Variants in ADAMTS15 observed in about 807,000 individuals in gnomAD.
ADAMTS15 encodes the protein ADAM metallopeptidase with thrombospondin type 1 motif 15, also known as A disintegrin and metalloproteinase with thrombospondin motifs 15.
A neutral mutation model predicts 79.1 loss-of-function variants in ADAMTS15; 35 were observed. The ratio of observed to expected loss-of-function variants is 0.44; its 90% CI spans 0.34 to 0.59. ADAMTS15 has a LOEUF of 0.59. ADAMTS15 is among the 20% of genes least tolerant of loss of function. The pLI, the probability that ADAMTS15 is intolerant of heterozygous loss-of-function variation, is 0.02. For synonymous variants in ADAMTS15, 616 were observed against 567.3 expected, an observed-to-expected ratio of 1.09 and a Z score of -1.22; for missense variants, 1,324 against 1,318.7, an observed-to-expected ratio of 1.00 and a Z score of -0.06.
Position 130,462,549 on chromosome 11 carries a change from G to T in ADAMTS15, c.1311G>T (p.Leu437=). The change falls in exon 4 of 8, where the codon CTG becomes CTT. Residue 437 remains leucine, a synonymous_variant. Coordinates refer to ENST00000299164, the MANE Select transcript of ADAMTS15 (RefSeq NM_139055.4). The surrounding 1 kb of genome is among the most constrained non-coding windows in gnomAD (Gnocchi z 4.3). ...AGCCCATCTCCCTGCCCGAGGATCTGCCGGGCGCCAGCTACACCCTGAGCC... is the reference window on the plus strand; with the variant it reads ...AGCCCATCTCCCTGCCCGAGGATCTTCCGGGCGCCAGCTACACCCTGAGCC... ...PSKPISLPED[L]PGASYTLSQQ... 1 of 1,611,382 alleles carries T rather than the reference G, an allele frequency of 6.2e-7. No homozygotes were observed. The highest frequency in any genetic ancestry group is 1.1e-5 in the South Asian group (1 of 90,936).
chr11:130,456,662 C>T (rs931715847), intron 1 of ADAMTS15, among the ~76,000 whole-genome samples: 2 of 152,162 alleles, frequency 1.3e-5, no homozygotes, highest in African/African-American at 2.4e-5. Flanking sequence ...TTATGGTCTC[C>T]TAACTAGTGT....
chr11:130,456,537 CAG>C (rs1938084177), intron 1 of ADAMTS15, among the ~76,000 whole-genome samples: 1 of 152,200 alleles, frequency 6.6e-6, no homozygotes, highest in East Asian at 1.9e-4. Flanking sequence ...GGATTACAAA[CAG>C]ACATGGATTT....
Position 130,462,490 on chromosome 11 carries a change from T to C in ADAMTS15, c.1259-7T>C. On this transcript the variant is annotated splice_region_variant and splice_polypyrimidine_tract_variant and intron_variant, in intron 3 of 7. Coordinates refer to ENST00000299164, the MANE Select transcript of ADAMTS15 (RefSeq NM_139055.4). The surrounding 1 kb of genome is among the most constrained non-coding windows in gnomAD (Gnocchi z 4.3). ...TCATCCTAACGAACGCCCTCGGCTC[T>C]CTGCAGGTGACTGCCTCCTGGACCA... The C allele has an allele frequency of 6.3e-7, 1 of 1,580,374 alleles. No homozygotes were observed. The highest frequency in any genetic ancestry group is 8.6e-7 in the Non-Finnish European group (1 of 1,158,386).
chr11:130,473,543 C>T lies in ADAMTS15; in HGVS notation c.2575C>T (p.Leu859=). ...GTGCTCCGCGAGCTGCGGCAGTGGC[C>T]TGCAGAAGCGGGCGGTGGACTGCCG... ...GPCSASCGSG[L]QKRAVDCRGS... Residue 859 remains leucine, a synonymous_variant, in exon 8 of 8, where the codon CTG becomes TTG. Transcript: ENST00000299164. The T allele has an allele frequency of 6.2e-7, 1 of 1,605,044 alleles. No individual in the cohort carries two copies. Among genetic ancestry groups the T allele is most frequent in the Non-Finnish European group, 8.5e-7 (1 of 1,174,956 alleles).
At position 130,462,221 on chromosome 11, in the gene ADAMTS15, G is replaced by A; in HGVS notation, c.1225G>A (p.Ala409Thr). 6.2e-7 allele frequency: 1 copy of A among 1,614,110 alleles called. No homozygotes were observed. ...CAACCCCTGGTCAGCCTGCAGTGCTGCCATCATCACCGACTTCCTGGACAG... is the reference window on the plus strand; with the variant it reads ...CAACCCCTGGTCAGCCTGCAGTGCTACCATCATCACCGACTTCCTGGACAG... ...RANPWSACSA[A>T]IITDFLDSGH... Residue 409 changes from alanine (A) to threonine (T), a missense_variant, in exon 3 of 8, where the codon GCC (alanine) becomes ACC (threonine). By Grantham distance (58) the Ala-to-Thr change is moderately conservative. Coordinates refer to ENST00000299164, the MANE Select transcript of ADAMTS15 (RefSeq NM_139055.4). This position sits in a 1 kb window ranked among gnomAD's most constrained non-coding sequence, Gnocchi z 4.3.
In ADAMTS15 at chr11:130,473,125, G is replaced by A. The variant is rs1938492887; in HGVS notation, c.2157G>A (p.Leu719=). The A allele has an allele frequency of 3.7e-6, 6 of 1,614,114 alleles. No homozygotes were observed. The highest frequency in any genetic ancestry group is 5.1e-6 in the Non-Finnish European group (6 of 1,180,044). Residue 719 remains leucine, a synonymous_variant, in exon 8 of 8, where the codon CTG becomes CTA. Transcript: ENST00000299164. ...IDIRQRGYKG[L]IGDDNYLALK... ...TCCGCCAGCGCGGTTACAAAGGGCT[G>A]ATCGGGGATGACAACTACCTGGCTC...
chr11:130,454,523 C>T (rs1048249013), intron 1 of ADAMTS15, among the ~76,000 whole-genome samples: 3 of 152,194 alleles, frequency 2.0e-5, no homozygotes, highest in African/African-American at 7.2e-5. Context: ...ACACATATCT[C>T]CCTATACAAT....
rs373539649 is a variant in ADAMTS15, at chr11:130,470,180, A to ATG, written c.1721-734_1721-733dup. 1.8e-4 allele frequency among the ~76,000 whole-genome samples: 8 copies of ATG among 44,782 alleles called. 1 individual carries two copies. The highest frequency in any genetic ancestry group is 6.6e-4 in the East Asian group (1 of 1,524). 29.4% of individuals were successfully genotyped at this position (44,782 alleles called of 152,430 possible). A position where few individuals can be genotyped will look rare whatever the true frequency, so the allele number is the denominator to read the frequency against. ...TATATATATATATATATATATATAT[A>ATG]TGTGTGTATATATATATATATATAT... On this transcript the variant is annotated intron_variant, in intron 5 of 7. Coordinates refer to ENST00000299164, the MANE Select transcript of ADAMTS15 (RefSeq NM_139055.4).
At position 130,473,476 on chromosome 11, in the gene ADAMTS15, C is replaced by T. The variant is rs758318437; in HGVS notation, c.2508C>T (p.Asp836=). ...LSLSNQVEQP[D]DRPPARWVAG... ...TCTCCAACCAGGTGGAGCAGCCGGA[C>T]GACAGGCCCCCTGCACGCTGGGTGG... The change falls in exon 8 of 8, where the codon GAC becomes GAT. Residue 836 remains aspartate, a synonymous_variant. Transcript: ENST00000299164. 2.5e-5 allele frequency: 40 copies of T among 1,611,768 alleles called. No homozygotes were observed. The highest frequency in any genetic ancestry group is 4.5e-5 in the East Asian group (2 of 44,868).
rs1938220376 is a variant in ADAMTS15, at chr11:130,462,424, A to G, written c.1259-73A>G. On this transcript the variant is annotated intron_variant, in intron 3 of 7. Coordinates refer to ENST00000299164, the MANE Select transcript of ADAMTS15 (RefSeq NM_139055.4). The surrounding 1 kb of genome is among the most constrained non-coding windows in gnomAD (Gnocchi z 4.3). ...GTTGCCCTTGGTTCATTATCCCCTT[A>G]CCATTCAGATTCTGGGCTAGCCAAA... 1 of 1,528,898 alleles carries G rather than the reference A, an allele frequency of 6.5e-7. No individual in the cohort carries two copies. Among genetic ancestry groups the G allele is most frequent in the Non-Finnish European group, 8.8e-7 (1 of 1,134,058 alleles). 94.7% of individuals were successfully genotyped at this position (1,528,898 alleles called of 1,614,324 possible).
intron 5 of ADAMTS15, among the ~76,000 whole-genome samples, chr11:130,470,160 A>ACACACATG (rs1938404633): frequency 1.7e-5 from 1 of 57,298 alleles, no homozygotes; most frequent in African/African-American, 1.0e-4. Context: ...ATGTGTATAT[A>ACACACATG]TATATATATA....
intron 7 of ADAMTS15, 120 bp downstream of exon 7, chr11:130,471,503 G>A: frequency 1.7e-6 from 2 of 1,156,484 alleles, no homozygotes; most frequent in Admixed American, 3.3e-5. Flanking sequence ...TACCCTTGCT[G>A]CAGAGGCCAC....
rs1416455379 is a variant in ADAMTS15 at position 130,449,340 on chromosome 11, C to G, written c.367C>G (p.Leu123Val). Residue 123 changes from leucine (L) to valine (V), a missense_variant, in exon 1 of 8, where the codon CTC becomes GTC. Coordinates refer to ENST00000299164, the MANE Select transcript of ADAMTS15 (RefSeq NM_139055.4). The surrounding 1 kb of genome is among the most constrained non-coding windows in gnomAD (Gnocchi z 7.8). ...CGCTGCTGTGAGCCTGTGCGGGGGG[C>G]TCCGCGGAGCCTTTGGCTACCGAGG... is the stretch of plus-strand genomic sequence containing the variant. The part of the protein sequence containing the change: ...SFAAVSLCGG[L>V]RGAFGYRGAE... 3.7e-6 allele frequency: 6 copies of G among 1,608,352 alleles called. No individual in the cohort carries two copies. The highest frequency in any genetic ancestry group is 1.3e-5 in the African/African-American group (1 of 75,068).
rs1937919019 is a variant in ADAMTS15 at position 130,449,636 on chromosome 11, G to A, written c.663G>A (p.Glu221=). 3.1e-6 allele frequency: 5 copies of A among 1,602,172 alleles called. No individual in the cohort carries two copies. Among genetic ancestry groups the A allele is most frequent in the African/African-American group, 1.3e-5 (1 of 74,800 alleles). The change falls in exon 1 of 8, where the codon GAG becomes GAA. Residue 221 remains glutamate, a synonymous_variant. Transcript: ENST00000299164. The surrounding 1 kb of genome is among the most constrained non-coding windows in gnomAD (Gnocchi z 7.8). The part of the protein sequence containing the change: ...KRFVSIPRYV[E]TLVVADESMV... Reference sequence around the variant, plus strand: ...TCGTGTCTATCCCGCGGTACGTGGAGACGCTGGTGGTCGCGGACGAGTCAA... The same window carrying A: ...TCGTGTCTATCCCGCGGTACGTGGAAACGCTGGTGGTCGCGGACGAGTCAA...
At chr11:130,470,883 T>TC (rs745774536) in intron 5 of ADAMTS15, 37 bp from the exon 6 acceptor site, 2 of 1,595,624 alleles carry the variant, frequency 1.3e-6, no homozygotes, top group Middle Eastern at 1.9e-4. Context: ...CCTTGTCCCT[T>TC]CCCCTCAACT....
At chr11:130,466,724 C>G (rs888626776) in intron 4 of ADAMTS15, among the ~76,000 whole-genome samples, 2 of 152,220 alleles carry the variant, frequency 1.3e-5, no homozygotes, top group Admixed American at 1.3e-4. Context: ...GGTTATGCCA[C>G]TTCTCTGCTC....
Position 130,473,617 on chromosome 11 carries a change from G to A in ADAMTS15, c.2649G>A (p.Arg883=). ...RTVPACDAAH[R]PVETQACGEP... is the part of the protein sequence containing the mutation. Reference sequence around the variant, plus strand: ...TCCCTGCCTGTGATGCAGCCCATCGGCCCGTGGAGACACAAGCCTGCGGGG... The same window carrying A: ...TCCCTGCCTGTGATGCAGCCCATCGACCCGTGGAGACACAAGCCTGCGGGG... The change falls in exon 8 of 8, where the codon CGG becomes CGA. Residue 883 remains arginine (R), a synonymous_variant. Coordinates refer to ENST00000299164, the MANE Select transcript of ADAMTS15 (RefSeq NM_139055.4). 6.2e-7 allele frequency: 1 copy of A among 1,609,760 alleles called. No homozygotes were observed. The highest frequency in any genetic ancestry group is 8.5e-7 in the Non-Finnish European group (1 of 1,179,668).
At chr11:130,456,553 G>A (rs1162465072) in intron 1 of ADAMTS15, among the ~76,000 whole-genome samples, 3 of 152,194 alleles carry the variant, frequency 2.0e-5, no homozygotes, top group Non-Finnish European at 4.4e-5. Context: ...TGGATTTTGG[G>A]CTGGACAAGG....
chr11:130,449,812 A>C lies in ADAMTS15; in HGVS notation c.839A>C (p.Lys280Thr). 1 of 1,611,130 alleles carries C rather than the reference A, an allele frequency of 6.2e-7. No individual in the cohort carries two copies. Among genetic ancestry groups the C allele is most frequent in the Non-Finnish European group, 8.5e-7 (1 of 1,180,014 alleles). The change falls in exon 1 of 8, where the codon AAG (lysine) becomes ACG (threonine). Residue 280 changes from lysine to threonine, a missense_variant. Lys to Thr is a moderately conservative substitution (Grantham distance 78, BLOSUM62 -1). Coordinates refer to ENST00000299164, the MANE Select transcript of ADAMTS15 (RefSeq NM_139055.4). This position sits in a 1 kb window ranked among gnomAD's most constrained non-coding sequence, Gnocchi z 7.8. Reference protein sequence around the residue: ...LLLRDRDSGPKVTGNAALTLR... With the variant: ...LLLRDRDSGPTVTGNAALTLR... ...CTTAGAGATCGTGACTCCGGGCCCA[A>C]GGTCACCGGCAATGCGGCCCTGACG... is the stretch of plus-strand genomic sequence containing the variant.
Sources: gnomAD v4.1 joint callset for allele counts (sites outside exome capture counted in the v4.1 genomes callset) on GRCh38, gnomAD v4.1.1 for gene constraint, Gnocchi (gnomAD v3.1) non-coding constraint, MANE v1.5 for transcripts, NCBI Gene and HGNC (gene_info 2026-07-23, HGNC 2026-07-21) for gene names.